TMEM87A: variants seen among roughly 807,000 people sequenced by gnomAD.
TMEM87A encodes the protein Golgi-pH regulating cation channel.
A neutral mutation model predicts 90.0 loss-of-function variants in TMEM87A; 50 were observed. That is an observed-to-expected ratio of 0.56 (90% CI 0.44 to 0.70). The LOEUF is 0.70. Ranked by LOEUF, TMEM87A falls within the 30% of genes least tolerant of loss-of-function variation. The pLI, the probability that TMEM87A is intolerant of heterozygous loss-of-function variation, is 0.00. For missense variants in TMEM87A, 577 were observed against 660.5 expected (o/e 0.87, Z 1.39); for synonymous variants, 226 against 226.7 (o/e 1.00, Z 0.03).
chr15:42,248,711 C>T (rs757171358), intron 6 of TMEM87A, among the ~76,000 whole-genome samples: 5 of 151,996 alleles, frequency 3.3e-5, no homozygotes, highest in Non-Finnish European at 7.4e-5. Flanking sequence ...ATTTTCGCAT[C>T]GATGTTCATC....
At chr15:42,254,190 A>G (rs1179097166) in intron 6 of TMEM87A, among the ~76,000 whole-genome samples, 1 of 152,214 alleles carries the variant, frequency 6.6e-6, no homozygotes, top group Non-Finnish European at 1.5e-5. Context: ...AAGGTAATTA[A>G]AGCTACAAGT....
chr15:42,245,279 A>T (rs984172286), intron 6 of TMEM87A, among the ~76,000 whole-genome samples: 2 of 152,196 alleles, frequency 1.3e-5, no homozygotes, highest in African/African-American at 4.8e-5. Flanking sequence ...GCTTAGCCAT[A>T]ATTACAGAAC....
intron 6 of TMEM87A, chr15:42,258,435 C>CT (rs955434335): frequency 7.9e-3 from 4,810 of 607,156 alleles, no homozygotes; most frequent in Middle Eastern, 0.01. Flanking sequence ...TATCTTTTTT[C>CT]TTTTTTTTTT....
rs955184847 is a variant in TMEM87A, at chr15:42,225,021, C to T, written c.1403+1785G>A. On this transcript the variant is annotated intron_variant, in intron 15 of 19. Coordinates refer to ENST00000389834, the MANE Select transcript of TMEM87A (RefSeq NM_015497.5). ...ACAGACGGATATAAAAGAAGGGTCT[C>T]CAGAATGTAAAAGTTCTTTCTCAAT... is the stretch of plus-strand genomic sequence containing the variant. 5.3e-5 allele frequency among the ~76,000 whole-genome samples: 8 copies of T among 152,146 alleles called. 1 individual carries two copies. The highest frequency in any genetic ancestry group is 3.9e-4 in the Admixed American group (6 of 15,268).
chr15:42,216,008 A>G (rs1162112916), intron 19 of TMEM87A, among the ~76,000 whole-genome samples: 1 of 152,240 alleles, frequency 6.6e-6, no homozygotes, highest in Non-Finnish European at 1.5e-5. Context: ...AGATAAATGG[A>G]TGAAGATAAC....
chr15:42,226,606 G>A (rs765079841), intron 15 of TMEM87A, 200 bp downstream of exon 15: 7 of 535,814 alleles, frequency 1.3e-5, no homozygotes, highest in Non-Finnish European at 2.0e-5. Flanking sequence ...AGGAAACTAA[G>A]GCCAGAGAGG....
In TMEM87A at chr15:42,211,503, T is replaced by C. The variant is rs1181638470; in HGVS notation, c.*205A>G. ...AGCAGTGTTGTAAATAAGAAGCTCG[T>C]AGATTTTTCTCATCTTATGAACTTG... On this transcript the variant is annotated 3_prime_UTR_variant, in exon 20 of 20. Transcript: ENST00000389834. 5.0e-5 allele frequency: 26 copies of C among 517,204 alleles called. No homozygotes were observed. The highest frequency in any genetic ancestry group is 3.8e-5 in the Non-Finnish European group (11 of 290,884). 32.0% of individuals were successfully genotyped at this position (517,204 alleles called of 1,614,324 possible).
At chr15:42,272,786 C>T in intron 1 of TMEM87A, 1 of 372,632 alleles carries the variant, frequency 2.7e-6, no homozygotes, top group Non-Finnish European at 5.2e-6. Flanking sequence ...AATAGCCATT[C>T]CAAAGTTGAA....
At chr15:42,254,982 T>G (rs74762754) in intron 6 of TMEM87A, among the ~76,000 whole-genome samples, 1 of 117,186 alleles carries the variant, frequency 8.5e-6, no homozygotes, top group South Asian at 2.8e-4. Context: ...TTTTTTTTTT[T>G]GAGACAGAGT....
rs1444141250 is a variant in TMEM87A, at chr15:42,272,098, T to A, written c.170A>T (p.Lys57Met). The part of the protein sequence containing the change: ...PSGKNYFSFG[K>M]ILFRNTTIFL... ...GATAGTGGTATTTCTGAAGAGGATC[T>A]TTCCAAAACTAAAATAATTTTTCCC... Residue 57 changes from lysine (K) to methionine (M), a missense_variant, in exon 2 of 20, where the codon AAG becomes ATG. Coordinates refer to ENST00000389834, the MANE Select transcript of TMEM87A (RefSeq NM_015497.5). The A allele has an allele frequency of 6.2e-7, 1 of 1,607,610 alleles. No individual in the cohort carries two copies. Among genetic ancestry groups the A allele is most frequent in the East Asian group, 2.2e-5 (1 of 44,494 alleles).
In TMEM87A at chr15:42,266,515, C is replaced by CAA. The variant is rs55840677; in HGVS notation, c.291+1430_291+1431dup. Among the ~76,000 whole-genome samples, 410 of 141,324 alleles carry CAA rather than the reference C, an allele frequency of 2.9e-3. 1 individual carries two copies. The highest frequency in any genetic ancestry group is 3.6e-3 in the Middle Eastern group (1 of 278). 92.7% of individuals were successfully genotyped at this position (141,324 alleles called of 152,430 possible). A position where few individuals can be genotyped will look rare whatever the true frequency, so the allele number is the denominator to read the frequency against. Reference sequence around the variant, plus strand: ...TGGGTGACAGAGTGAGACTCCATCTCAAAAAAAAAAAAACTATTTTCATAA... The same window carrying CAA: ...TGGGTGACAGAGTGAGACTCCATCTCAAAAAAAAAAAAAAACTATTTTCATAA... On this transcript the variant is annotated intron_variant, in intron 3 of 19. Transcript: ENST00000389834.
chr15:42,273,024 AC>A (rs1035553469), intron 1 of TMEM87A: 1 of 669,542 alleles, frequency 1.5e-6, no homozygotes, highest in African/African-American at 1.8e-5. Context: ...AAGCCGCTCC[AC>A]CACTCCTTTC....
At chr15:42,227,005 A>G (rs2050607917) in intron 14 of TMEM87A, 96 bp from the exon 15 acceptor site, 3 of 1,190,068 alleles carry the variant, frequency 2.5e-6, no homozygotes, top group Non-Finnish European at 3.6e-6. Context: ...TTATTTGTTC[A>G]TTCAAGTTAT....
intron 8 of TMEM87A, among the ~76,000 whole-genome samples, chr15:42,238,001 ATATATGTG>A (rs1250081311): frequency 0.015 from 90 of 5,996 alleles, 2 homozygotes; most frequent in Middle Eastern, 0.25. Context: ...ATGTATATAT[ATATATGTG>A]TGTGTGTGTG....
Position 42,244,127 on chromosome 15 carries a change from TATGGTGC to T in TMEM87A, c.538_544del (p.Ala180ThrfsTer21). On this transcript the variant is annotated frameshift_variant, in exon 7 of 20. Transcript: ENST00000389834. LOFTEE classifies it high-confidence loss of function. ...AATGCCAATATGTACAATAAAAATG[TATGGTGC>T]ATCTTGCCAAGTTTGCAATGGTTCA... 3 of 1,577,422 alleles carry T rather than the reference TATGGTGC, an allele frequency of 1.9e-6. No individual in the cohort carries two copies. The highest frequency in any genetic ancestry group is 2.6e-6 in the Non-Finnish European group (3 of 1,168,462).
chr15:42,268,102 C>G lies in TMEM87A; in HGVS notation c.206-70G>C, dbSNP rs536723002. The G allele has an allele frequency of 3.8e-4, 499 of 1,324,998 alleles. 4 individuals are homozygous for G. The highest frequency in any genetic ancestry group is 2.6e-3 in the African/African-American group (179 of 68,704). The allele number at this position is 1,324,998 out of a possible 1,614,324, so 82.1% of individuals were successfully genotyped here. A position where few individuals can be genotyped will look rare whatever the true frequency, so the allele number is the denominator to read the frequency against. Reference sequence around the variant, plus strand: ...AAAGCATTTTTCCTAAGCTGTTAACCTATATCCTATTCATTTCGTACCCTA... The same window carrying G: ...AAAGCATTTTTCCTAAGCTGTTAACGTATATCCTATTCATTTCGTACCCTA... On this transcript the variant is annotated intron_variant, in intron 2 of 19. Coordinates refer to ENST00000389834, the MANE Select transcript of TMEM87A (RefSeq NM_015497.5).
intron 6 of TMEM87A, among the ~76,000 whole-genome samples, chr15:42,252,779 C>T (rs2051109598): frequency 6.6e-6 from 1 of 151,764 alleles, no homozygotes; most frequent in South Asian, 2.1e-4. Flanking sequence ...TCTGGTAAGT[C>T]TAATGCTGAG....
intron 6 of TMEM87A, chr15:42,257,955 G>A (rs1272141102): frequency 2.0e-6 from 2 of 982,744 alleles, no homozygotes; most frequent in Non-Finnish European, 2.4e-6. Flanking sequence ...AAATTACAAA[G>A]GATTTTTACT....
chr15:42,230,497 A>G (rs1183008799), intron 12 of TMEM87A, among the ~76,000 whole-genome samples: 1 of 152,230 alleles, frequency 6.6e-6, no homozygotes, highest in African/African-American at 2.4e-5. Context: ...GATAAAGTCC[A>G]AAAACTTGAA....
Sources: gnomAD v4.1 joint callset for allele counts (sites outside exome capture counted in the v4.1 genomes callset) on GRCh38, gnomAD v4.1.1 for gene constraint, MANE v1.5 for transcripts, NCBI Gene and HGNC (gene_info 2026-07-23, HGNC 2026-07-21) for gene names.